PRDM10: variants seen among roughly 807,000 people sequenced by gnomAD.
PRDM10 encodes the protein PR domain zinc finger protein 10.
PRDM10 carries 65 observed loss-of-function variants against 133.1 expected under a neutral mutation model. The ratio of observed to expected loss-of-function variants is 0.49; its 90% CI spans 0.40 to 0.60. PRDM10 has a LOEUF of 0.60. Ranked by LOEUF, PRDM10 falls within the 20% of genes least tolerant of loss-of-function variation. The pLI, the probability that PRDM10 is intolerant of heterozygous loss-of-function variation, is 0.00. For missense variants in PRDM10, 1,137 were observed against 1,507.1 expected, an observed-to-expected ratio of 0.75 and a Z score of 4.07; for synonymous variants, 582 against 580.4, an observed-to-expected ratio of 1.00 and a Z score of -0.04.
intron 2 of PRDM10, among the ~76,000 whole-genome samples, chr11:129,959,262 T>C (rs1320136320): frequency 6.6e-6 from 1 of 152,228 alleles, no homozygotes; most frequent in Non-Finnish European, 1.5e-5. Context: ...TAGTCTGGCT[T>C]CTACATAAAT....
intron 6 of PRDM10, among the ~76,000 whole-genome samples, chr11:129,943,993 AAAAT>A (rs1397054383): frequency 1.3e-5 from 2 of 152,126 alleles, no homozygotes; most frequent in Non-Finnish European, 2.9e-5. Flanking sequence ...TCCATCTCAA[AAAAT>A]AAATAAAATA....
At chr11:129,948,943 T>C (rs746083078) in intron 4 of PRDM10, among the ~76,000 whole-genome samples, 2 of 152,206 alleles carry the variant, frequency 1.3e-5, no homozygotes, top group Non-Finnish European at 2.9e-5. Context: ...AAACCATTTT[T>C]CCCCTCATCA....
At chr11:129,990,671 A>C (rs1037238891) in intron 1 of PRDM10, among the ~76,000 whole-genome samples, 6 of 151,934 alleles carry the variant, frequency 3.9e-5, no homozygotes, top group African/African-American at 1.5e-4. Flanking sequence ...AGGTCTAGCT[A>C]TGTTGCCTAG....
chr11:129,992,571 T>C (rs1387947341), intron 1 of PRDM10, among the ~76,000 whole-genome samples: 5 of 152,194 alleles, frequency 3.3e-5, no homozygotes, highest in South Asian at 2.1e-4. Flanking sequence ...TCCCACCAGA[T>C]GACGCAATCA....
chr11:129,992,123 CAT>C (rs1938790782), intron 1 of PRDM10, among the ~76,000 whole-genome samples: 1 of 152,200 alleles, frequency 6.6e-6, no homozygotes, highest in Admixed American at 6.5e-5. Flanking sequence ...GTACCTACAA[CAT>C]GTTAGCTTCA....
chr11:129,996,755 G>A (rs921309218), intron 1 of PRDM10, among the ~76,000 whole-genome samples: 1 of 152,174 alleles, frequency 6.6e-6, no homozygotes, highest in South Asian at 2.1e-4. Flanking sequence ...AGACCAGTTT[G>A]ACCGAAGTGG....
intron 1 of PRDM10, among the ~76,000 whole-genome samples, chr11:129,975,851 T>G (rs923172537): frequency 1.3e-5 from 2 of 152,080 alleles, no homozygotes; most frequent in African/African-American, 4.8e-5. Flanking sequence ...ACATAGGAGG[T>G]GAACAATCAA....
intron 19 of PRDM10, among the ~76,000 whole-genome samples, chr11:129,906,763 A>C (rs1950028166): frequency 6.6e-6 from 1 of 152,166 alleles, no homozygotes; most frequent in Admixed American, 6.5e-5. Flanking sequence ...GGATCACTTG[A>C]GGTCAGGAGT....
intron 1 of PRDM10, among the ~76,000 whole-genome samples, chr11:129,995,911 ACTCCAGC>A (rs1241679157): frequency 6.6e-6 from 1 of 152,088 alleles, no homozygotes; most frequent in African/African-American, 2.4e-5. Flanking sequence ...ATGCCACTGC[ACTCCAGC>A]CTGGGCAACA....
chr11:129,913,489 C>T (rs753536421), intron 17 of PRDM10, among the ~76,000 whole-genome samples: 25 of 152,160 alleles, frequency 1.6e-4, no homozygotes, highest in Non-Finnish European at 3.4e-4. Flanking sequence ...ATTTCAGTTA[C>T]ATTTAATGAT....
At chr11:129,998,742 C>G (rs540171632) in intron 1 of PRDM10, among the ~76,000 whole-genome samples, 2 of 151,252 alleles carry the variant, frequency 1.3e-5, no homozygotes, top group South Asian at 4.2e-4. Flanking sequence ...TGGAAAGGCA[C>G]AGAAAAATTT....
At chr11:129,949,003 C>T (rs920070231) in intron 4 of PRDM10, among the ~76,000 whole-genome samples, 4 of 152,194 alleles carry the variant, frequency 2.6e-5, no homozygotes, top group African/African-American at 9.7e-5. Flanking sequence ...GCATTTATCT[C>T]CAGTAAATTT....
rs1041209050 is a variant in PRDM10 at position 129,902,246 on chromosome 11, G to C, written c.*67C>G. 2 of 1,536,068 alleles carry C rather than the reference G, an allele frequency of 1.3e-6. No homozygotes were observed. The highest frequency in any genetic ancestry group is 2.8e-5 in the African/African-American group (2 of 72,714). On this transcript the variant is annotated 3_prime_UTR_variant, in exon 21 of 21. Transcript: ENST00000360871. Reference sequence around the variant, plus strand: ...TAAATCTTACAAAAGAGCTCTACGTGTCAGAGCTTTCAGACTTATGAGAAC... The same window carrying C: ...TAAATCTTACAAAAGAGCTCTACGTCTCAGAGCTTTCAGACTTATGAGAAC...
chr11:129,963,352 A>C (rs1185427846), intron 1 of PRDM10, among the ~76,000 whole-genome samples: 1 of 146,166 alleles, frequency 6.8e-6, no homozygotes, highest in African/African-American at 2.5e-5. Context: ...TAGCCAGGGC[A>C]ACACAGAGAG....
rs11221899 is a variant in PRDM10 at position 129,918,245 on chromosome 11, T to A, written c.2214+294A>T. On this transcript the variant is annotated intron_variant, in intron 14 of 20. Transcript: ENST00000360871. The surrounding 1 kb of genome is among the most constrained non-coding windows in gnomAD (Gnocchi z 5.3). Reference sequence around the variant, plus strand: ...ACTAAAATAAGGTGAGAGCAGAGATTGAGATGGGTAAAGAAAAACAAAAGT... The same window carrying A: ...ACTAAAATAAGGTGAGAGCAGAGATAGAGATGGGTAAAGAAAAACAAAAGT... Among the ~76,000 whole-genome samples, 8,982 of 149,310 alleles carry A rather than the reference T, an allele frequency of 0.06. 627 individuals carry two copies. Among genetic ancestry groups the A allele is most frequent in the African/African-American group, 0.17 (6,920 of 40,546 alleles).
rs1236258297 is a variant in PRDM10, at chr11:129,947,265, C to T, written c.400G>A (p.Glu134Lys). 1.2e-6 allele frequency: 2 copies of T among 1,614,176 alleles called. No homozygotes were observed. Among genetic ancestry groups the T allele is most frequent in the East Asian group, 2.2e-5 (1 of 44,878 alleles). Residue 134 changes from glutamate (E) to lysine (K), a missense_variant, in exon 5 of 21, where the codon GAG (glutamate) becomes AAG (lysine). Glu to Lys is a moderately conservative substitution (Grantham distance 56, BLOSUM62 1). Coordinates refer to ENST00000360871, the MANE Select transcript of PRDM10 (RefSeq NM_199437.2). This position sits in a 1 kb window ranked among gnomAD's most constrained non-coding sequence, Gnocchi z 4.6. ...QTPLGRLEAK[E>K]EEDEDEDEDT... ...TCGTCCTCATCCTCATCCTCTTCCT[C>T]TTTGGCCTCCAGTCTGCCTAGAGGG... is the stretch of plus-strand genomic sequence containing the variant.
chr11:129,992,108 C>G (rs1938789568), intron 1 of PRDM10, among the ~76,000 whole-genome samples: 2 of 152,234 alleles, frequency 1.3e-5, no homozygotes, highest in East Asian at 3.8e-4. Context: ...CCATTTCACT[C>G]AGGTGTACCT....
Position 129,914,913 on chromosome 11 carries a change from C to T in PRDM10, c.2632G>A (p.Val878Ile), listed in dbSNP as rs1210352538. ...TTAVISATPA[V>I]LTTDSATGET... ...CCAGTGGCGCTGTCTGTAGTCAAAA[C>T]CGCTGGGGTGGCACTGATCACAGCT... Residue 878 changes from valine to isoleucine, a missense_variant, in exon 17 of 21, where the codon GTT becomes ATT. By Grantham distance (29) the Val-to-Ile change is conservative. Transcript: ENST00000360871. 1.5e-5 allele frequency: 25 copies of T among 1,614,018 alleles called. No individual in the cohort carries two copies. Among genetic ancestry groups the T allele is most frequent in the Admixed American group, 1.7e-5 (1 of 59,996 alleles).
intron 10 of PRDM10, among the ~76,000 whole-genome samples, chr11:129,931,815 A>G (rs549668482): frequency 9.9e-5 from 15 of 152,066 alleles, no homozygotes; most frequent in Admixed American, 2.0e-4. Context: ...TGATCCGCCC[A>G]CCTCGGCCTC....
Sources: allele counts gnomAD v4.1 joint callset (sites outside exome capture counted in the v4.1 genomes callset), GRCh38; gene constraint gnomAD v4.1.1; non-coding constraint Gnocchi (gnomAD v3.1); transcripts MANE v1.5; gene names NCBI Gene and HGNC (gene_info 2026-07-23, HGNC 2026-07-21).